The following CHRM3 variants were observed in gnomAD, a reference collection of about 807,000 sequenced individuals.
The protein encoded by CHRM3 is cholinergic receptor muscarinic 3.
Under a neutral mutation model 41.8 loss-of-function variants are expected in CHRM3, and 11 were observed. The observed-to-expected ratio is 0.26, with a 90% CI of 0.17 to 0.44. CHRM3 has a LOEUF of 0.44. Among genes scored for constraint, CHRM3 ranks in the 20% least tolerant of loss-of-function variants. CHRM3 has a pLI of 1.00. For missense variants in CHRM3, 571 were observed against 745.4 expected (o/e 0.77, Z 2.72); for synonymous variants, 297 against 301.4 (o/e 0.99, Z 0.15).
At chr1:239,636,414 G>C (rs1213307820) in intron 4 of CHRM3, among the ~76,000 whole-genome samples, 1 of 152,160 alleles carries the variant, frequency 6.6e-6, no homozygotes, top group African/African-American at 2.4e-5. Flanking sequence ...CAAGGGAATT[G>C]TCACAGTGAC....
At chr1:239,408,539 A>C (rs557694471) in intron 1 of CHRM3, among the ~76,000 whole-genome samples, 2 of 150,808 alleles carry the variant, frequency 1.3e-5, no homozygotes, top group Admixed American at 6.6e-5. Flanking sequence ...AAAAAAAAAA[A>C]AAAAACTCTC....
At chr1:239,490,629 A>T (rs1022219770) in intron 1 of CHRM3, among the ~76,000 whole-genome samples, 2 of 152,122 alleles carry the variant, frequency 1.3e-5, no homozygotes, top group Non-Finnish European at 2.9e-5. Flanking sequence ...TAGCGCAATC[A>T]TAGCTCATTG....
rs962288980 is a variant in CHRM3 at position 239,456,668 on chromosome 1, T to C, written c.-520-36041T>C. Among the ~76,000 whole-genome samples, 93 of 152,250 alleles carry C rather than the reference T, an allele frequency of 6.1e-4. 1 individual carries two copies. Among genetic ancestry groups the C allele is most frequent in the African/African-American group, 1.8e-3 (74 of 41,554 alleles). On this transcript the variant is annotated intron_variant, in intron 1 of 6. Coordinates refer to ENST00000676153, the MANE Select transcript of CHRM3 (RefSeq NM_001375978.1). ...AAAGTAGTGTACATGAATGGCCCAA[T>C]TGGGGTACCCTGCCATCCTTGATCC...
At chr1:239,690,046 C>CAG (rs772849076) in intron 5 of CHRM3, among the ~76,000 whole-genome samples, 35 of 93,540 alleles carry the variant, frequency 3.7e-4, no homozygotes, top group Non-Finnish European at 5.9e-4. Context: ...GAGAGAGACA[C>CAG]AGAGAGAGAG....
intron 4 of CHRM3, among the ~76,000 whole-genome samples, chr1:239,671,734 T>A (rs1167802457): frequency 6.6e-6 from 1 of 152,112 alleles, no homozygotes; most frequent in Non-Finnish European, 1.5e-5. Flanking sequence ...TACTCTGCCT[T>A]GGATATAATT....
chr1:239,651,847 C>T (rs576837966), intron 4 of CHRM3, among the ~76,000 whole-genome samples: 2 of 152,114 alleles, frequency 1.3e-5, no homozygotes, highest in Non-Finnish European at 2.9e-5. Context: ...GGGCTCCAGA[C>T]AGCACCCCCC....
At chr1:239,456,575 G>C (rs911027274) in intron 1 of CHRM3, among the ~76,000 whole-genome samples, 1 of 152,182 alleles carries the variant, frequency 6.6e-6, no homozygotes. Context: ...TTCTCGGAAC[G>C]TATCCTGGTC....
intron 2 of CHRM3, among the ~76,000 whole-genome samples, chr1:239,531,253 T>A (rs1023410744): frequency 7.2e-5 from 11 of 152,080 alleles, no homozygotes; most frequent in Non-Finnish European, 1.6e-4. Flanking sequence ...ATTTTAGAAA[T>A]TAATATAAAG....
chr1:239,549,014 A>G (rs942616426), intron 3 of CHRM3, among the ~76,000 whole-genome samples: 1 of 152,160 alleles, frequency 6.6e-6, no homozygotes, highest in African/African-American at 2.4e-5. Flanking sequence ...ATCATGGTGG[A>G]AAGCAAGGAG....
At chr1:239,520,793 C>T (rs571771225) in intron 2 of CHRM3, among the ~76,000 whole-genome samples, 57 of 152,276 alleles carry the variant, frequency 3.7e-4, no homozygotes, top group African/African-American at 1.3e-3. Context: ...GATATTGACC[C>T]TGTTTTAGGG....
intron 2 of CHRM3, among the ~76,000 whole-genome samples, chr1:239,538,834 G>A (rs1021620124): frequency 3.3e-5 from 5 of 152,122 alleles, no homozygotes; most frequent in African/African-American, 1.2e-4. Flanking sequence ...CTTTTGTTAT[G>A]CCTGAGCCTT....
intron 1 of CHRM3, among the ~76,000 whole-genome samples, chr1:239,470,398 A>C (rs1445137186): frequency 6.6e-6 from 1 of 152,158 alleles, no homozygotes; most frequent in Non-Finnish European, 1.5e-5. Context: ...TAAGCCACCC[A>C]GTTTGTGGTA....
chr1:239,874,484 G>T, intron 6 of CHRM3, among the ~76,000 whole-genome samples: 1 of 151,124 alleles, frequency 6.6e-6, no homozygotes, highest in East Asian at 2.0e-4. Context: ...GTTCCATGGG[G>T]CCAACTGTGG....
intron 5 of CHRM3, among the ~76,000 whole-genome samples, chr1:239,783,572 TCAAA>T: frequency 6.6e-6 from 1 of 152,108 alleles, no homozygotes; most frequent in Non-Finnish European, 1.5e-5. Flanking sequence ...GAGTAAATAG[TCAAA>T]CAATCAAATG....
intron 3 of CHRM3, among the ~76,000 whole-genome samples, chr1:239,599,942 A>G (rs1665300679): frequency 6.6e-6 from 1 of 152,150 alleles, no homozygotes; most frequent in African/African-American, 2.4e-5. Flanking sequence ...GGGATCATCT[A>G]TATAGACCCA....
chr1:239,760,356 A>G (rs1405724917), intron 5 of CHRM3, among the ~76,000 whole-genome samples: 3 of 152,030 alleles, frequency 2.0e-5, no homozygotes, highest in African/African-American at 7.2e-5. Flanking sequence ...GTTAAAAATC[A>G]TCTCTGAAAT....
At chr1:239,495,243 C>T (rs1184748619) in intron 2 of CHRM3, among the ~76,000 whole-genome samples, 1 of 152,116 alleles carries the variant, frequency 6.6e-6, no homozygotes, top group Non-Finnish European at 1.5e-5. Context: ...AAAGGAGGGT[C>T]ACACCAATAT....
At chr1:239,420,658 T>C (rs886809746) in intron 1 of CHRM3, among the ~76,000 whole-genome samples, 4 of 152,226 alleles carry the variant, frequency 2.6e-5, no homozygotes, top group Non-Finnish European at 5.9e-5. Context: ...AAATACCCTC[T>C]ATCTTTTATG....
At position 239,404,392 on chromosome 1, in the gene CHRM3, GAAAGAAAGAAAGAAAGAA is replaced by G. The variant is rs1558195345; in HGVS notation, c.-521+17185_-521+17202del. The stretch of plus-strand genomic sequence containing the variant: ...AGAAAGAAAGAAAGAAAGAAAGAAA[GAAAGAAAGAAAGAAAGAA>G]AAAGAAAGAAAGAAAGAAAGAAAGA... On this transcript the variant is annotated intron_variant, in intron 1 of 6. Coordinates refer to ENST00000676153, the MANE Select transcript of CHRM3 (RefSeq NM_001375978.1). 1.9e-3 allele frequency among the ~76,000 whole-genome samples: 135 copies of G among 69,860 alleles called. 1 individual carries two copies. Among genetic ancestry groups the G allele is most frequent in the Non-Finnish European group, 2.8e-3 (102 of 36,076 alleles). The allele number at this position is 69,860 out of a possible 152,430, so 45.8% of individuals were successfully genotyped here. A position where few individuals can be genotyped will look rare whatever the true frequency, so the allele number is the denominator to read the frequency against.
Sources: allele counts gnomAD v4.1 joint callset (sites outside exome capture counted in the v4.1 genomes callset), GRCh38; gene constraint gnomAD v4.1.1; transcripts MANE v1.5; gene names NCBI Gene and HGNC (gene_info 2026-07-23, HGNC 2026-07-21).